PYGO1: variants seen among roughly 807,000 people sequenced by gnomAD.
The protein encoded by PYGO1 is pygopus homolog 1.
PYGO1 carries 6 observed loss-of-function variants against 29.5 expected under a neutral mutation model. That is an observed-to-expected ratio of 0.20 (90% CI 0.11 to 0.40). The LOEUF is 0.40. Among genes scored for constraint, PYGO1 ranks in the 10% least tolerant of loss-of-function variants. The pLI, the probability that PYGO1 is intolerant of heterozygous loss-of-function variation, is 1.00. For missense variants in PYGO1, 515 were observed against 514.9 expected (o/e 1.00, Z 0.00); for synonymous variants, 186 against 180.5 (o/e 1.03, Z -0.24).
At chr15:55,582,206 C>CAAAA (rs58715888) in intron 1 of PYGO1, among the ~76,000 whole-genome samples, 2,395 of 103,394 alleles carry the variant, frequency 0.023, 97 homozygotes, top group Middle Eastern at 0.051. Flanking sequence ...GGCTCCATCT[C>CAAAA]AAAAAAAAAA....
rs1291036502 is a variant in PYGO1, at chr15:55,544,366, G to A, written c.*1657C>T. 1.3e-5 allele frequency: 2 copies of A among 152,122 alleles called. No homozygotes were observed. The highest frequency in any genetic ancestry group is 1.3e-4 in the Admixed American group (2 of 15,270). The allele number at this position is 152,122 out of a possible 1,614,324, so 9.4% of individuals were successfully genotyped here. On this transcript the variant is annotated 3_prime_UTR_variant, in exon 3 of 3. Transcript: ENST00000563719. ...TTCCAGTTACTTCATCTCGATTGGG[G>A]AATGCATTGTTTCTTAGAAAAAGCT...
intron 1 of PYGO1, among the ~76,000 whole-genome samples, chr15:55,576,148 T>TTAATTAACATCAA (rs2059000579): frequency 6.6e-6 from 1 of 152,160 alleles, no homozygotes; most frequent in Non-Finnish European, 1.5e-5. Flanking sequence ...AATAAAGCTG[T>TTAATTAACATCAA]TAAAGCTTGT....
At chr15:55,551,680 G>A (rs922719710) in intron 1 of PYGO1, among the ~76,000 whole-genome samples, 17 of 151,818 alleles carry the variant, frequency 1.1e-4, no homozygotes, top group African/African-American at 4.1e-4. Context: ...GGTGGCACAT[G>A]CCTGTGGTCC....
chr15:55,575,200 C>G (rs959434242), intron 1 of PYGO1, among the ~76,000 whole-genome samples: 1 of 152,092 alleles, frequency 6.6e-6, no homozygotes, highest in East Asian at 1.9e-4. Context: ...AAGATTACCA[C>G]AAAAGTGTGT....
At chr15:55,552,207 T>C (rs1238704224) in intron 1 of PYGO1, among the ~76,000 whole-genome samples, 1 of 151,236 alleles carries the variant, frequency 6.6e-6, no homozygotes, top group Non-Finnish European at 1.5e-5. Context: ...ATACAAAAAT[T>C]AGCCAGGTAT....
At chr15:55,577,062 G>A (rs2059006079) in intron 1 of PYGO1, among the ~76,000 whole-genome samples, 1 of 151,680 alleles carries the variant, frequency 6.6e-6, no homozygotes, top group African/African-American at 2.4e-5. Context: ...GAGTTCTGTT[G>A]AATTTCACCC....
Position 55,546,909 on chromosome 15 carries a change from C to T in PYGO1, c.374G>A (p.Arg125Lys), listed in dbSNP as rs1409647183. The T allele has an allele frequency of 1.6e-5, 26 of 1,614,096 alleles. No homozygotes were observed. The highest frequency in any genetic ancestry group is 2.0e-5 in the Non-Finnish European group (24 of 1,180,028). Residue 125 changes from arginine to lysine, a missense_variant, in exon 3 of 3, where the codon AGG (arginine) becomes AAG (lysine). Coordinates refer to ENST00000563719, the MANE Select transcript of PYGO1 (RefSeq NM_001367806.1). ...SSPYCGPYSLRNQPHPFPQNP... is the reference protein window; with the variant it reads ...SSPYCGPYSLKNQPHPFPQNP... ...CTGAGGAAATGGGTGTGGCTGGTTC[C>T]TGAGTGAGTAAGGACCACAGTATGG...
rs576925089 is a variant in PYGO1 at position 55,556,942 on chromosome 15, C to T, written c.50-7947G>A. 6.5e-4 allele frequency among the ~76,000 whole-genome samples: 98 copies of T among 151,562 alleles called. 1 individual carries two copies. In the Middle Eastern group the frequency reaches 0.014, roughly 21 times the overall value. On this transcript the variant is annotated intron_variant, in intron 1 of 2. Transcript: ENST00000563719. ...GCACATACATCCTCCCAAGACTGAACCAGGAAGAAACTGAATTAAAGAATA... is the reference window on the plus strand; with the variant it reads ...GCACATACATCCTCCCAAGACTGAATCAGGAAGAAACTGAATTAAAGAATA...
At chr15:55,577,117 A>G (rs895572028) in intron 1 of PYGO1, among the ~76,000 whole-genome samples, 4 of 152,212 alleles carry the variant, frequency 2.6e-5, no homozygotes, top group African/African-American at 9.7e-5. Flanking sequence ...GTGGGACAGA[A>G]AGTCATCTCT....
At chr15:55,553,499 G>A (rs575067328) in intron 1 of PYGO1, among the ~76,000 whole-genome samples, 219 of 151,918 alleles carry the variant, frequency 1.4e-3, no homozygotes, top group African/African-American at 5.0e-3. Flanking sequence ...GGGCTCAAGC[G>A]ATCCTCCTGC....
At chr15:55,557,151 T>C (rs887117928) in intron 1 of PYGO1, among the ~76,000 whole-genome samples, 2 of 151,692 alleles carry the variant, frequency 1.3e-5, no homozygotes, top group African/African-American at 4.8e-5. Context: ...TAAAAAATGA[T>C]AAAGGGGATA....
intron 1 of PYGO1, among the ~76,000 whole-genome samples, chr15:55,587,275 A>C (rs1225365820): frequency 6.6e-6 from 1 of 152,112 alleles, no homozygotes; most frequent in Non-Finnish European, 1.5e-5. Context: ...TTTAGATAAT[A>C]TCTTATCCAT....
At chr15:55,588,659 G>C, upstream of PYGO1, 1 of 702,344 alleles carries the variant, frequency 1.4e-6, no homozygotes, top group Admixed American at 3.8e-5. Context: ...CTCCCTCGCC[G>C]ACCGCCAGGC....
chr15:55,546,395 G>A lies in PYGO1; in HGVS notation c.888C>T (p.Asn296=). Residue 296 remains asparagine (N), a synonymous_variant, in exon 3 of 3, where the codon AAC becomes AAT. Coordinates refer to ENST00000563719, the MANE Select transcript of PYGO1 (RefSeq NM_001367806.1). ...NSRSSSTEAT[N]NNPANGTQNK... is the part of the protein sequence containing the mutation. Reference sequence around the variant, plus strand: ...TCTGCGTCCCATTTGCAGGGTTATTGTTTGTGGCTTCAGTGCTACTTGAAC... The same window carrying A: ...TCTGCGTCCCATTTGCAGGGTTATTATTTGTGGCTTCAGTGCTACTTGAAC... The A allele has an allele frequency of 6.2e-7, 1 of 1,614,166 alleles. No individual in the cohort carries two copies. The highest frequency in any genetic ancestry group is 8.5e-7 in the Non-Finnish European group (1 of 1,180,022).
Position 55,563,393 on chromosome 15 carries a change from G to T in PYGO1, c.50-14398C>A, listed in dbSNP as rs185136992. 9.6e-3 allele frequency among the ~76,000 whole-genome samples: 1,306 copies of T among 135,504 alleles called. 22 individuals carry two copies. Among genetic ancestry groups the T allele is most frequent in the African/African-American group, 0.034 (1,242 of 36,664 alleles). The allele number at this position is 135,504 out of a possible 152,430, so 88.9% of individuals were successfully genotyped here. ...TTTTTTTTTTTTTTTTTGAGACGAA[G>T]TCTTGCTCTGTCGCCCAGGCTGGAG... On this transcript the variant is annotated intron_variant, in intron 1 of 2. Coordinates refer to ENST00000563719, the MANE Select transcript of PYGO1 (RefSeq NM_001367806.1).
intron 1 of PYGO1, among the ~76,000 whole-genome samples, chr15:55,586,088 T>C (rs182139225): frequency 6.6e-6 from 1 of 152,302 alleles, no homozygotes; most frequent in East Asian, 1.9e-4. Flanking sequence ...CACAAGCTAG[T>C]TCTATACATG....
intron 1 of PYGO1, among the ~76,000 whole-genome samples, chr15:55,577,632 G>A (rs1338707250): frequency 6.6e-6 from 1 of 151,620 alleles, no homozygotes; most frequent in Non-Finnish European, 1.5e-5. Flanking sequence ...TGTATAGTCG[G>A]TGATTTTTAT....
At position 55,555,320 on chromosome 15, in the gene PYGO1, G is replaced by A. The variant is rs185896394; in HGVS notation, c.50-6325C>T. Among the ~76,000 whole-genome samples the A allele has an allele frequency of 1.1e-4, 17 of 151,810 alleles. No homozygotes were observed. In the East Asian group the frequency reaches 3.3e-3, roughly 29 times the overall value. On this transcript the variant is annotated intron_variant, in intron 1 of 2. Coordinates refer to ENST00000563719, the MANE Select transcript of PYGO1 (RefSeq NM_001367806.1). The stretch of plus-strand genomic sequence containing the variant: ...AGATAAGCAAACCCTGAGGGAATTC[G>A]TCACCACTGAGCCTGCCTTGCAAGA...
intron 1 of PYGO1, among the ~76,000 whole-genome samples, chr15:55,587,286 A>G (rs2059051350): frequency 6.6e-6 from 1 of 152,108 alleles, no homozygotes; most frequent in Non-Finnish European, 1.5e-5. Flanking sequence ...TCTTATCCAT[A>G]AACCAACAGA....
Sources: gnomAD v4.1 joint callset for allele counts (sites outside exome capture counted in the v4.1 genomes callset) on GRCh38, gnomAD v4.1.1 for gene constraint, MANE v1.5 for transcripts, NCBI Gene and HGNC (gene_info 2026-07-23, HGNC 2026-07-21) for gene names.